Variants in GRID2 observed in about 807,000 individuals in gnomAD.
GRID2 encodes glutamate ionotropic receptor delta type subunit 2.
Under a neutral mutation model 114.8 loss-of-function variants are expected in GRID2, and 33 were observed. That is an observed-to-expected ratio of 0.29 (90% CI 0.22 to 0.38). The LOEUF is 0.38. GRID2 is among the 10% of genes least tolerant of loss of function. The pLI is 1.00. For synonymous variants in GRID2, 505 were observed against 449.9 expected (o/e 1.12, Z -1.55); for missense variants, 1,184 against 1,257.7 (o/e 0.94, Z 0.89).
At chr4:92,334,810 A>G (rs1277193124) in intron 1 of GRID2, among the ~76,000 whole-genome samples, 4 of 152,194 alleles carry the variant, frequency 2.6e-5, no homozygotes, top group African/African-American at 7.2e-5. Flanking sequence ...TGCTCTCTCT[A>G]TCTTGGCTTT....
chr4:93,744,863 C>T (rs1560967279), intron 14 of GRID2, among the ~76,000 whole-genome samples: 1 of 152,178 alleles, frequency 6.6e-6, no homozygotes, highest in Non-Finnish European at 1.5e-5. Context: ...GCTACAGCCA[C>T]TCCAACTTTC....
At chr4:93,673,072 G>T (rs969479309) in intron 14 of GRID2, among the ~76,000 whole-genome samples, 4 of 152,170 alleles carry the variant, frequency 2.6e-5, no homozygotes, top group Admixed American at 2.0e-4. Flanking sequence ...GGAAGAGACT[G>T]AAGTACACTA....
At chr4:92,604,629 C>T (rs958560798) in intron 2 of GRID2, among the ~76,000 whole-genome samples, 2 of 152,074 alleles carry the variant, frequency 1.3e-5, no homozygotes, top group Non-Finnish European at 2.9e-5. Flanking sequence ...ACCACCATGG[C>T]AAACATTTGC....
intron 6 of GRID2, among the ~76,000 whole-genome samples, chr4:93,219,258 G>A (rs917565256): frequency 6.6e-6 from 1 of 152,178 alleles, no homozygotes; most frequent in African/African-American, 2.4e-5. Context: ...ATTATTGACT[G>A]TGTCATTTAG....
intron 2 of GRID2, among the ~76,000 whole-genome samples, chr4:92,931,110 A>T (rs1210557171): frequency 3.5e-5 from 2 of 57,618 alleles, no homozygotes; most frequent in Non-Finnish European, 8.2e-5. Context: ...TAAAATCCTT[A>T]AAAAAATTCC....
intron 2 of GRID2, among the ~76,000 whole-genome samples, chr4:92,797,126 C>A (rs1411086115): frequency 6.6e-6 from 1 of 151,824 alleles, no homozygotes; most frequent in Non-Finnish European, 1.5e-5. Flanking sequence ...CTTGTAATAT[C>A]TTGACTTTTA....
intron 8 of GRID2, among the ~76,000 whole-genome samples, chr4:93,363,812 T>G (rs1008117064): frequency 6.6e-6 from 1 of 151,870 alleles, no homozygotes; most frequent in African/African-American, 2.4e-5. Flanking sequence ...TCCAAAACTA[T>G]CATAAGAGAA....
intron 3 of GRID2, among the ~76,000 whole-genome samples, chr4:93,104,045 C>G (rs1192778602): frequency 6.6e-6 from 1 of 151,910 alleles, no homozygotes; most frequent in African/African-American, 2.4e-5. Context: ...AACTTTCTCT[C>G]CCCGGCTAGT....
At chr4:93,350,452 C>A (rs189226929) in intron 8 of GRID2, among the ~76,000 whole-genome samples, 28 of 152,062 alleles carry the variant, frequency 1.8e-4, no homozygotes, top group Admixed American at 7.2e-4. Context: ...GAAACATAAT[C>A]AAGTGCAAAA....
At chr4:93,164,094 T>C (rs1738017553) in intron 4 of GRID2, among the ~76,000 whole-genome samples, 1 of 151,686 alleles carries the variant, frequency 6.6e-6, no homozygotes, top group Non-Finnish European at 1.5e-5. Flanking sequence ...GGTATATAAA[T>C]AGGGCCTTAA....
At chr4:92,943,241 C>T (rs564354643) in intron 2 of GRID2, among the ~76,000 whole-genome samples, 2 of 152,110 alleles carry the variant, frequency 1.3e-5, no homozygotes, top group African/African-American at 4.8e-5. Context: ...TCACATAGGC[C>T]CATATTTCTT....
At chr4:93,048,107 T>TTGCCCCACTCAGGATGACGG (rs1726334023) in intron 2 of GRID2, among the ~76,000 whole-genome samples, 2 of 152,048 alleles carry the variant, frequency 1.3e-5, no homozygotes, top group African/African-American at 2.4e-5. Context: ...AATATGTTAG[T>TTGCCCCACTCAGGATGACGG]TGCCCCACTC....
At chr4:93,105,024 A>G (rs1421432759) in intron 3 of GRID2, among the ~76,000 whole-genome samples, 9 of 151,674 alleles carry the variant, frequency 5.9e-5, no homozygotes, top group Non-Finnish European at 1.3e-4. Context: ...ATGGTATCTC[A>G]TTGTGGTTTT....
At chr4:92,920,251 G>A (rs1749196877) in intron 2 of GRID2, among the ~76,000 whole-genome samples, 1 of 152,152 alleles carries the variant, frequency 6.6e-6, no homozygotes, top group Admixed American at 6.6e-5. Flanking sequence ...CTCTGCACGT[G>A]AGATAGGTTT....
intron 2 of GRID2, among the ~76,000 whole-genome samples, chr4:92,844,705 C>CA (rs35173293): frequency 0.22 from 20,066 of 92,520 alleles, 2,074 homozygotes; most frequent in Non-Finnish European, 0.3. Context: ...GACTCTGTCT[C>CA]AAAAAAAAAA....
intron 11 of GRID2, among the ~76,000 whole-genome samples, chr4:93,484,572 A>G (rs1481560330): frequency 2.0e-5 from 3 of 151,954 alleles, no homozygotes. Flanking sequence ...GGGCTGCCAC[A>G]AGATTAGATA....
intron 2 of GRID2, among the ~76,000 whole-genome samples, chr4:92,933,063 T>C (rs1329716035): frequency 1.3e-5 from 2 of 150,844 alleles, no homozygotes; most frequent in African/African-American, 4.8e-5. Context: ...CTTAAAAACC[T>C]CTCCATTTTA....
intron 2 of GRID2, among the ~76,000 whole-genome samples, chr4:92,666,983 A>C (rs1238720851): frequency 1.1e-4 from 17 of 151,422 alleles, no homozygotes. Flanking sequence ...GTTAGAGAAC[A>C]GTGTCCTTAC....
At chr4:93,485,960 A>G (rs534460433) in intron 11 of GRID2, among the ~76,000 whole-genome samples, 6 of 151,826 alleles carry the variant, frequency 4.0e-5, no homozygotes, top group African/African-American at 1.2e-4. Context: ...AGGAGAACTT[A>G]TATCTTTACA....
Sources: allele counts gnomAD v4.1 joint callset (sites outside exome capture counted in the v4.1 genomes callset), GRCh38; gene constraint gnomAD v4.1.1; transcripts MANE v1.5; gene names NCBI Gene and HGNC (gene_info 2026-07-23, HGNC 2026-07-21).